The following CDKL3 variants were observed in gnomAD, a reference collection of about 807,000 sequenced individuals.
The protein encoded by CDKL3 is cyclin dependent kinase like 3, also known as cyclin-dependent kinase-like 3.
CDKL3 carries 65 observed loss-of-function variants against 69.3 expected under a neutral mutation model. The observed-to-expected ratio is 0.94, with a 90% CI of 0.77 to 1.15. CDKL3 has a LOEUF of 1.15. CDKL3 is among the 50% of genes most tolerant of loss of function. The pLI is 0.00. For missense variants in CDKL3, 652 were observed against 689.2 expected, an observed-to-expected ratio of 0.95 and a Z score of 0.61; for synonymous variants, 202 against 221.6, an observed-to-expected ratio of 0.91 and a Z score of 0.79.
At chr5:134,370,976 C>T (rs1358910612), upstream of CDKL3, 1 of 162,880 alleles carries the variant, frequency 6.1e-6, no homozygotes, top group Non-Finnish European at 1.3e-5. Flanking sequence ...CGCCCTCACC[C>T]TCTTAAACCC....
downstream of CDKL3, among the ~76,000 whole-genome samples, chr5:134,284,809 C>T (rs975408956): frequency 3.9e-5 from 6 of 152,316 alleles, no homozygotes; most frequent in Non-Finnish European, 7.3e-5. Flanking sequence ...TTCTGCCTGG[C>T]CCCACAGGCA....
upstream of CDKL3, chr5:134,367,276 T>C (rs909131659): frequency 2.0e-6 from 2 of 984,500 alleles, no homozygotes; most frequent in African/African-American, 1.8e-5. Context: ...AAGAGTGCTG[T>C]GCTTGGGAAT....
At chr5:134,341,494 G>A (rs1750473371) in intron 4 of CDKL3, among the ~76,000 whole-genome samples, 1 of 152,224 alleles carries the variant, frequency 6.6e-6, no homozygotes, top group African/African-American at 2.4e-5. Flanking sequence ...GCATGATAAT[G>A]ATATGAGTTA....
intron 5 of CDKL3, 87 bp from the exon 6 acceptor site, chr5:134,319,584 T>C: frequency 8.7e-7 from 1 of 1,154,672 alleles, no homozygotes. Context: ...CTATGTTAGA[T>C]TACTAAAAAC....
upstream of CDKL3, chr5:134,367,394 A>C (rs1444856640): frequency 1.4e-6 from 1 of 691,576 alleles, no homozygotes; most frequent in Non-Finnish European, 1.7e-6. Context: ...TTTTTTTTTG[A>C]GATAGTCTAG....
intron 4 of CDKL3, among the ~76,000 whole-genome samples, chr5:134,338,572 T>C (rs1462915738): frequency 6.6e-6 from 1 of 151,390 alleles, no homozygotes; most frequent in African/African-American, 2.4e-5. Context: ...GGCACACACC[T>C]GAAATCTCAG....
chr5:134,351,922 C>G (rs1753406807), intron 3 of CDKL3, among the ~76,000 whole-genome samples: 1 of 152,100 alleles, frequency 6.6e-6, no homozygotes, highest in Admixed American at 6.6e-5. Context: ...AAATTCTACT[C>G]TCAGCAATTT....
At chr5:134,363,681 G>A (rs1388842864) in intron 2 of CDKL3, among the ~76,000 whole-genome samples, 1 of 151,852 alleles carries the variant, frequency 6.6e-6, no homozygotes, top group Non-Finnish European at 1.5e-5. Flanking sequence ...GGCTGGTCTC[G>A]AACTCCTGAG....
At chr5:134,319,184 A>T in intron 6 of CDKL3, 174 bp downstream of exon 6, 1 of 450,454 alleles carries the variant, frequency 2.2e-6, no homozygotes, top group Non-Finnish European at 3.8e-6. Flanking sequence ...TACAAAAATT[A>T]GCCGGGCATG....
chr5:134,303,677 C>CG (rs1766966053), intron 11 of CDKL3, among the ~76,000 whole-genome samples: 1 of 148,678 alleles, frequency 6.7e-6, no homozygotes, highest in African/African-American at 2.5e-5. Flanking sequence ...AACCCCCCCC[C>CG]CGTCTCTACT....
chr5:134,363,363 G>A (rs1257552568), intron 2 of CDKL3, among the ~76,000 whole-genome samples: 4 of 151,380 alleles, frequency 2.6e-5, no homozygotes, highest in Non-Finnish European at 5.9e-5. Context: ...GCGTGGTCTC[G>A]GCTCACTGAA....
downstream of CDKL3, among the ~76,000 whole-genome samples, chr5:134,284,606 T>C (rs561344840): frequency 5.6e-4 from 86 of 152,304 alleles, no homozygotes; most frequent in African/African-American, 2.0e-3. Flanking sequence ...CTAGCAAGCC[T>C]GAGGGCACTG....
intron 8 of CDKL3, among the ~76,000 whole-genome samples, chr5:134,286,910 G>A (rs1286180868): frequency 2.0e-5 from 3 of 152,166 alleles, no homozygotes; most frequent in African/African-American, 7.2e-5. Context: ...TGATAAAGTG[G>A]AAACATTTAG....
chr5:134,317,429 T>C (rs1364002338), intron 6 of CDKL3, among the ~76,000 whole-genome samples: 3 of 152,150 alleles, frequency 2.0e-5, no homozygotes, highest in Non-Finnish European at 2.9e-5. Context: ...ACTGGGATTA[T>C]AGGCACGAGC....
chr5:134,340,313 A>G (rs1367486964), intron 4 of CDKL3, among the ~76,000 whole-genome samples: 1 of 152,216 alleles, frequency 6.6e-6, no homozygotes, highest in African/African-American at 2.4e-5. Context: ...CCACCTTAAG[A>G]CACTGGAAAA....
upstream of CDKL3, chr5:134,367,384 T>C (rs909898225): frequency 1.0e-6 from 1 of 981,114 alleles, no homozygotes; most frequent in Non-Finnish European, 1.2e-6. Context: ...TTTTTTTTTT[T>C]TTTTTTTTGA....
intron 8 of CDKL3, among the ~76,000 whole-genome samples, chr5:134,291,938 A>G (rs1487268162): frequency 6.6e-6 from 1 of 152,216 alleles, no homozygotes; most frequent in East Asian, 1.9e-4. Flanking sequence ...CAGGAATATT[A>G]TAGCTCTAAA....
downstream of CDKL3, among the ~76,000 whole-genome samples, chr5:134,283,775 A>G (rs1296104079): frequency 6.6e-6 from 1 of 152,134 alleles, no homozygotes; most frequent in African/African-American, 2.4e-5. Context: ...CACTTGCCTT[A>G]TCTGAGATAA....
downstream of CDKL3, among the ~76,000 whole-genome samples, chr5:134,297,194 C>T (rs992302468): frequency 4.0e-5 from 6 of 151,828 alleles, no homozygotes; most frequent in South Asian, 2.1e-4. Flanking sequence ...TCAGGTGATC[C>T]GCCTGCCTTG....
Sources: gnomAD v4.1 joint callset for allele counts (sites outside exome capture counted in the v4.1 genomes callset) on GRCh38, gnomAD v4.1.1 for gene constraint, MANE v1.5 for transcripts, NCBI Gene and HGNC (gene_info 2026-07-23, HGNC 2026-07-21) for gene names.